The following PTPRD variants were observed in gnomAD, a reference collection of about 807,000 sequenced individuals.
PTPRD encodes the protein receptor-type tyrosine-protein phosphatase delta.
PTPRD carries 34 observed loss-of-function variants against 214.5 expected under a neutral mutation model. The ratio of observed to expected loss-of-function variants is 0.16; its 90% CI spans 0.12 to 0.21. PTPRD has a LOEUF of 0.21. PTPRD is among the 10% of genes least tolerant of loss of function. PTPRD has a pLI of 1.00. For synonymous variants in PTPRD, 1,128 were observed against 845.7 expected (o/e 1.33, Z -5.79); for missense variants, 2,545 against 2,398.7 (o/e 1.06, Z -1.27).
At chr9:9,140,091 G>C (rs2099857514) in intron 10 of PTPRD, among the ~76,000 whole-genome samples, 1 of 151,034 alleles carries the variant, frequency 6.6e-6, no homozygotes, top group Non-Finnish European at 1.5e-5. Flanking sequence ...CAGTTTGTAA[G>C]ACTGAAGAAG....
intron 36 of PTPRD, among the ~76,000 whole-genome samples, chr9:8,390,815 C>T (rs1479816397): frequency 2.0e-5 from 3 of 152,074 alleles, no homozygotes; most frequent in Non-Finnish European, 4.4e-5. Context: ...ATATTATAGC[C>T]TAGCAAAGGA....
chr9:8,971,455 T>C (rs929496054), intron 11 of PTPRD, among the ~76,000 whole-genome samples: 37 of 151,950 alleles, frequency 2.4e-4, no homozygotes. Flanking sequence ...TTGTATTTCA[T>C]TTTCTTTATC....
chr9:8,537,918 G>T (rs997539919), intron 14 of PTPRD, among the ~76,000 whole-genome samples: 2 of 151,984 alleles, frequency 1.3e-5, no homozygotes, highest in African/African-American at 2.4e-5. Flanking sequence ...TTAAGTTAAG[G>T]CATACTGTTA....
chr9:9,281,518 G>T (rs1947691100), intron 9 of PTPRD, among the ~76,000 whole-genome samples: 1 of 151,280 alleles, frequency 6.6e-6, no homozygotes, highest in Admixed American at 6.6e-5. Flanking sequence ...TAGGTCCTTA[G>T]GAAATTGCAA....
Position 8,650,708 on chromosome 9 carries a change from G to T in PTPRD, c.65-13864C>A, listed in dbSNP as rs187891144. Among the ~76,000 whole-genome samples the T allele has an allele frequency of 3.5e-3, 526 of 152,198 alleles. 3 individuals carry two copies. The highest frequency in any genetic ancestry group is 4.5e-3 in the Non-Finnish European group (304 of 68,014). ...ACATTTAGACCAATACCCTGACAGA[G>T]ATCATATTCTAAGTTTATAAGGTTC... On this transcript the variant is annotated intron_variant, in intron 12 of 45. Coordinates refer to ENST00000381196, the MANE Select transcript of PTPRD (RefSeq NM_002839.4).
intron 8 of PTPRD, among the ~76,000 whole-genome samples, chr9:9,568,240 A>G (rs1258933451): frequency 2.0e-5 from 3 of 151,884 alleles, no homozygotes; most frequent in Non-Finnish European, 2.9e-5. Context: ...AATTAAATTT[A>G]AAGCTTGAAA....
At chr9:8,375,891 T>A (rs767377436) in intron 39 of PTPRD, 45 bp downstream of exon 39, 1 of 1,585,464 alleles carries the variant, frequency 6.3e-7, no homozygotes, top group East Asian at 2.3e-5. Flanking sequence ...TGAGAGTCAA[T>A]TTAGCTTTCT....
chr9:8,888,871 A>C (rs2098513678), intron 11 of PTPRD, among the ~76,000 whole-genome samples: 1 of 152,208 alleles, frequency 6.6e-6, no homozygotes, highest in Non-Finnish European at 1.5e-5. Flanking sequence ...TGTACTTATT[A>C]ACTTGAAGGC....
At chr9:8,543,737 G>C (rs1216264085) in intron 14 of PTPRD, among the ~76,000 whole-genome samples, 1 of 152,122 alleles carries the variant, frequency 6.6e-6, no homozygotes, top group Non-Finnish European at 1.5e-5. Flanking sequence ...TTTTGAGACA[G>C]AGTCTTGCTC....
chr9:9,177,597 C>G (rs1350442592), intron 10 of PTPRD, among the ~76,000 whole-genome samples: 1 of 151,878 alleles, frequency 6.6e-6, no homozygotes, highest in Non-Finnish European at 1.5e-5. Context: ...ATGTCTAATG[C>G]TTGATTAATT....
At chr9:9,184,448 CA>C (rs2099930146) in intron 9 of PTPRD, among the ~76,000 whole-genome samples, 1 of 152,072 alleles carries the variant, frequency 6.6e-6, no homozygotes, top group East Asian at 1.9e-4. Flanking sequence ...GTCCCAAAGA[CA>C]AAAAGAACAT....
chr9:9,764,546 G>T (rs1431964383), intron 6 of PTPRD, among the ~76,000 whole-genome samples: 1 of 152,232 alleles, frequency 6.6e-6, no homozygotes, highest in East Asian at 1.9e-4. Flanking sequence ...TTAATAGGAT[G>T]ATTGAGATTA....
chr9:9,266,333 A>T (rs554437369), intron 9 of PTPRD, among the ~76,000 whole-genome samples: 15 of 151,482 alleles, frequency 9.9e-5, no homozygotes, highest in African/African-American at 3.1e-4. Flanking sequence ...CCCCATTTTG[A>T]GCAATAAATA....
chr9:8,339,229 A>G (rs1464525126), intron 42 of PTPRD, among the ~76,000 whole-genome samples, 182 bp from the exon 43 acceptor site: 1 of 152,146 alleles, frequency 6.6e-6, no homozygotes, highest in East Asian at 1.9e-4. Flanking sequence ...CTTCATAGGG[A>G]AACCCTTTGG....
intron 36 of PTPRD, among the ~76,000 whole-genome samples, chr9:8,391,660 C>G (rs1053089771): frequency 6.6e-6 from 1 of 152,156 alleles, no homozygotes; most frequent in Non-Finnish European, 1.5e-5. Flanking sequence ...AGGATTCTGG[C>G]TAAGGGCCTC....
At chr9:10,307,340 C>T (rs923985090) in intron 3 of PTPRD, among the ~76,000 whole-genome samples, 7 of 152,040 alleles carry the variant, frequency 4.6e-5, no homozygotes, top group Non-Finnish European at 1.0e-4. Context: ...TCTTTCTGTG[C>T]CTGGCTTATT....
chr9:10,485,190 T>C (rs1445534861), intron 2 of PTPRD, among the ~76,000 whole-genome samples: 1 of 152,134 alleles, frequency 6.6e-6, no homozygotes, highest in Non-Finnish European at 1.5e-5. Flanking sequence ...TAAACTTCTT[T>C]CTGCATTCTC....
chr9:10,456,892 C>T (rs1362486858), intron 2 of PTPRD, among the ~76,000 whole-genome samples: 3 of 151,716 alleles, frequency 2.0e-5, no homozygotes, highest in African/African-American at 7.3e-5. Flanking sequence ...AGGTAGTAGT[C>T]CAAAAACTAA....
intron 2 of PTPRD, among the ~76,000 whole-genome samples, chr9:10,423,613 A>T (rs767064468): frequency 6.6e-6 from 1 of 151,912 alleles, no homozygotes; most frequent in Non-Finnish European, 1.5e-5. Flanking sequence ...TTATAATGGC[A>T]GAATGAAAAG....
Sources: gnomAD v4.1 joint callset for allele counts (sites outside exome capture counted in the v4.1 genomes callset) on GRCh38, gnomAD v4.1.1 for gene constraint, MANE v1.5 for transcripts, NCBI Gene and HGNC (gene_info 2026-07-23, HGNC 2026-07-21) for gene names.